Variants in FNDC3A observed in about 807,000 individuals in gnomAD.
FNDC3A encodes the protein fibronectin type III domain containing 3A, also known as fibronectin type-III domain-containing protein 3A.
In FNDC3A, 32 loss-of-function variants were observed where a neutral mutation model predicts 148.9. The observed-to-expected ratio is 0.21, with a 90% CI of 0.16 to 0.29. The LOEUF is 0.29. Among genes scored for constraint, FNDC3A ranks in the 10% least tolerant of loss-of-function variants. The pLI, the probability that FNDC3A is intolerant of heterozygous loss-of-function variation, is 1.00. For synonymous variants in FNDC3A, 472 were observed against 473.6 expected, an observed-to-expected ratio of 1.00 and a Z score of 0.04; for missense variants, 1,191 against 1,452.8, an observed-to-expected ratio of 0.82 and a Z score of 2.93.
At chr13:49,201,428 GTTAGAAA>G (rs1263862408) in intron 23 of FNDC3A, among the ~76,000 whole-genome samples, 1 of 152,100 alleles carries the variant, frequency 6.6e-6, no homozygotes, top group Non-Finnish European at 1.5e-5. Context: ...TATGACTTTA[GTTAGAAA>G]TAATTTGTAA....
At chr13:49,127,197 C>G (rs1289860879) in intron 4 of FNDC3A, among the ~76,000 whole-genome samples, 2 of 152,186 alleles carry the variant, frequency 1.3e-5, no homozygotes, top group Middle Eastern at 3.2e-3. Context: ...TTTCTTTTCT[C>G]TCTTCTGTGT....
At chr13:49,053,314 T>A (rs1390970816) in intron 2 of FNDC3A, among the ~76,000 whole-genome samples, 2 of 152,236 alleles carry the variant, frequency 1.3e-5, no homozygotes, top group Non-Finnish European at 2.9e-5. Context: ...CCACATACTG[T>A]TCTGTCTGAG....
intron 1 of FNDC3A, among the ~76,000 whole-genome samples, chr13:48,984,186 GAT>G (rs1429441211): frequency 6.6e-6 from 1 of 152,180 alleles, no homozygotes; most frequent in Admixed American, 6.5e-5. Flanking sequence ...ACTGCAAAAA[GAT>G]GTGAATGGAT....
intron 3 of FNDC3A, chr13:49,110,550 A>G (rs1413919658): frequency 1.5e-6 from 1 of 672,324 alleles, no homozygotes; most frequent in Non-Finnish European, 2.7e-6. Flanking sequence ...ATGTAAATAC[A>G]AAAAGGTTAG....
chr13:49,147,203 TA>T (rs1883044195), intron 8 of FNDC3A, among the ~76,000 whole-genome samples: 1 of 152,186 alleles, frequency 6.6e-6, no homozygotes, highest in Non-Finnish European at 1.5e-5. Flanking sequence ...CTTACTATGT[TA>T]ATGACTGTTT....
In FNDC3A at chr13:49,208,045, C is replaced by T. The variant is rs1187180929; in HGVS notation, c.*650C>T. ...AAGTACTTAAAGAACAGACAGTTTA[C>T]TTGGCCTAAAAATATTTTGATGTTT... On this transcript the variant is annotated 3_prime_UTR_variant, in exon 26 of 26. Coordinates refer to ENST00000492622, the MANE Select transcript of FNDC3A (RefSeq NM_001079673.2). The T allele has an allele frequency of 2.0e-5, 3 of 152,438 alleles. No homozygotes were observed. Among genetic ancestry groups the T allele is most frequent in the African/African-American group, 7.2e-5 (3 of 41,442 alleles). The allele number at this position is 152,438 out of a possible 1,614,324, so 9.4% of individuals were successfully genotyped here. A position where few individuals can be genotyped will look rare whatever the true frequency, so the allele number is the denominator to read the frequency against.
chr13:49,050,915 TA>T (rs1875793083), intron 2 of FNDC3A, among the ~76,000 whole-genome samples: 1 of 152,238 alleles, frequency 6.6e-6, no homozygotes, highest in Admixed American at 6.5e-5. Context: ...TGTCTTTTTT[TA>T]ACTGCTGTTG....
intron 2 of FNDC3A, among the ~76,000 whole-genome samples, chr13:49,056,057 C>G (rs1419793494): frequency 3.3e-5 from 5 of 151,898 alleles, no homozygotes; most frequent in African/African-American, 4.8e-5. Flanking sequence ...TGTAGTGGCA[C>G]GCGCCTGTAG....
intron 2 of FNDC3A, among the ~76,000 whole-genome samples, chr13:49,016,064 C>A (rs542692717): frequency 1.3e-5 from 2 of 152,150 alleles, no homozygotes; most frequent in Non-Finnish European, 2.9e-5. Context: ...CTAAAATTCT[C>A]TTTTTTTGTT....
At chr13:49,073,214 A>G (rs1679639159) in intron 2 of FNDC3A, among the ~76,000 whole-genome samples, 1 of 152,200 alleles carries the variant, frequency 6.6e-6, no homozygotes, top group South Asian at 2.1e-4. Flanking sequence ...CAGAAAACAA[A>G]AAGAAAAATA....
At chr13:49,110,205 C>CTTT in intron 3 of FNDC3A, 3 of 514,674 alleles carry the variant, frequency 5.8e-6, no homozygotes, top group Non-Finnish European at 9.6e-6. Flanking sequence ...GGAACGTTTG[C>CTTT]TTTTTTTTCC....
intron 11 of FNDC3A, among the ~76,000 whole-genome samples, chr13:49,173,739 A>C (rs1839319518): frequency 6.6e-6 from 1 of 152,224 alleles, no homozygotes; most frequent in African/African-American, 2.4e-5. Context: ...AAAGCAGTCA[A>C]GTACAGTCTA....
chr13:49,110,568 AGAGTT>A (rs763055415), intron 3 of FNDC3A, among the ~76,000 whole-genome samples: 7 of 152,214 alleles, frequency 4.6e-5, no homozygotes, highest in Non-Finnish European at 1.0e-4. Context: ...TAGACTATGT[AGAGTT>A]ATTTTGTAAT....
chr13:49,116,593 G>T (rs937642500), intron 4 of FNDC3A, among the ~76,000 whole-genome samples: 1 of 152,094 alleles, frequency 6.6e-6, no homozygotes, highest in South Asian at 2.1e-4. Context: ...TCAGGAGTTC[G>T]AGACCAGCCT....
At position 49,207,597 on chromosome 13, in the gene FNDC3A, G is replaced by GT. The variant is rs1031087734; in HGVS notation, c.*210dup. ...TGCAAGCCACAAAAATATCAATTTT[G>GT]TTTTTTTTGTTAGGGTGGGTCTTCT... On this transcript the variant is annotated 3_prime_UTR_variant, in exon 26 of 26. Transcript: ENST00000492622. 4.5e-4 allele frequency: 192 copies of GT among 431,216 alleles called. No individual in the cohort carries two copies. Among genetic ancestry groups the GT allele is most frequent in the African/African-American group, 2.8e-3 (134 of 48,566 alleles). The allele number at this position is 431,216 out of a possible 1,614,324, so 26.7% of individuals were successfully genotyped here.
chr13:49,166,556 C>T (rs1884472708), intron 8 of FNDC3A, among the ~76,000 whole-genome samples: 2 of 152,152 alleles, frequency 1.3e-5, no homozygotes, highest in South Asian at 4.1e-4. Flanking sequence ...ATGTCTTGCA[C>T]AACTCCAGGC....
intron 2 of FNDC3A, among the ~76,000 whole-genome samples, chr13:49,022,373 T>TA (rs1456867709): frequency 2.0e-5 from 3 of 152,210 alleles, no homozygotes; most frequent in Non-Finnish European, 2.9e-5. Flanking sequence ...TACTTTGGGT[T>TA]AAACTTTTAT....
chr13:49,045,929 T>C (rs1016450408), intron 2 of FNDC3A: 1 of 208,688 alleles, frequency 4.8e-6, no homozygotes, highest in Non-Finnish European at 9.6e-6. Flanking sequence ...CAATACTTTT[T>C]CCTTCATTCT....
At chr13:49,193,932 A>G (rs1367085584) in intron 19 of FNDC3A, among the ~76,000 whole-genome samples, 1 of 151,280 alleles carries the variant, frequency 6.6e-6, no homozygotes, top group Non-Finnish European at 1.5e-5. Flanking sequence ...AAAAAAAGCA[A>G]TTAAAAACAA....
Sources: gnomAD v4.1 joint callset for allele counts (sites outside exome capture counted in the v4.1 genomes callset) on GRCh38, gnomAD v4.1.1 for gene constraint, MANE v1.5 for transcripts, NCBI Gene and HGNC (gene_info 2026-07-23, HGNC 2026-07-21) for gene names.